ZNF496: variants seen among roughly 807,000 people sequenced by gnomAD.
The protein encoded by ZNF496 is NSD1 (nuclear receptor binding SET-domain containing 1)-interacting zinc finger protein 1.
In ZNF496, 11 loss-of-function variants were observed where a neutral mutation model predicts 58.9. The ratio of observed to expected loss-of-function variants is 0.19; its 90% confidence interval spans 0.12 to 0.31. The LOEUF is 0.31. Ranked by LOEUF, ZNF496 falls within the 10% of genes least tolerant of loss-of-function variation. ZNF496 has a pLI of 1.00. For missense variants in ZNF496, 660 were observed against 783.0 expected (o/e 0.84, Z 1.88); for synonymous variants, 338 against 318.2 (o/e 1.06, Z -0.66).
In ZNF496 at chr1:247,329,701, C is replaced by T; in HGVS notation, c.-37-86G>A. On this transcript the variant is annotated intron_variant, in intron 3 of 9. Coordinates refer to ENST00000682384, the MANE Select transcript of ZNF496 (RefSeq NM_032752.3). This position sits in a 1 kb window ranked among gnomAD's most constrained non-coding sequence, Gnocchi z 5.5. ...GACAGTGACAAGGAAACTGTCAATGCCCTCAGAGACCAGCCCTTTGGAGAA... is the reference window on the plus strand; with the variant it reads ...GACAGTGACAAGGAAACTGTCAATGTCCTCAGAGACCAGCCCTTTGGAGAA... 2.4e-6 allele frequency: 3 copies of T among 1,263,276 alleles called. No homozygotes were observed. Among genetic ancestry groups the T allele is most frequent in the Non-Finnish European group, 3.2e-6 (3 of 923,572 alleles). 78.3% of individuals were successfully genotyped at this position (1,263,276 alleles called of 1,614,324 possible). A position where few individuals can be genotyped will look rare whatever the true frequency, so the allele number is the denominator to read the frequency against.
Position 247,329,365 on chromosome 1 carries a change from G to A in ZNF496, c.214C>T (p.Arg72Trp), listed in dbSNP as rs1660242551. 5 of 1,613,468 alleles carry A rather than the reference G, an allele frequency of 3.1e-6. No homozygotes were observed. The highest frequency in any genetic ancestry group is 1.1e-5 in the South Asian group (1 of 91,080). The change falls in exon 4 of 10, where the codon CGG (arginine) becomes TGG (tryptophan). Residue 72 changes from arginine (R) to tryptophan (W), a missense_variant. Arg to Trp is a moderately radical substitution (Grantham distance 101). Transcript: ENST00000682384. This position sits in a 1 kb window ranked among gnomAD's most constrained non-coding sequence, Gnocchi z 5.5. ...RLWDLCGGWL[R>W]PERHTKEQIL... ...TGCTCCTTGGTGTGCCTCTCAGGCC[G>A]CAGCCAGCCCCCGCACAGGTCCCAG...
chr1:247,301,309 T>G (rs781187299), intron 9 of ZNF496, 33 bp from the exon 10 acceptor site: 1 of 1,499,616 alleles, frequency 6.7e-7, no homozygotes, highest in Non-Finnish European at 8.8e-7. Context: ...TCAGCGACGC[T>G]GCACAGGCCA....
chr1:247,316,167 T>TGC (rs1194922352), intron 6 of ZNF496, among the ~76,000 whole-genome samples: 3 of 132,582 alleles, frequency 2.3e-5, no homozygotes, highest in African/African-American at 8.5e-5. Flanking sequence ...TGTGTGTGTG[T>TGC]GTGTGCACGA....
In ZNF496 at chr1:247,300,796, T is replaced by C. The variant is rs147506682; in HGVS notation, c.1487A>G (p.Lys496Arg). The change falls in exon 10 of 10, where the codon AAG becomes AGG. Residue 496 changes from lysine to arginine, a missense_variant. Physicochemically the swap from Lys to Arg is conservative, Grantham distance 26. Transcript: ENST00000682384. This position sits in a 1 kb window ranked among gnomAD's most constrained non-coding sequence, Gnocchi z 5.7. ...LQPDRLQPVE[K>R]REQAASEDAD... Reference sequence around the variant, plus strand: ...GTCCTCGGATGCCGCCTGCTCTCTCTTCTCCACCGGCTGGAGTCTGTCCGG... The same window carrying C: ...GTCCTCGGATGCCGCCTGCTCTCTCCTCTCCACCGGCTGGAGTCTGTCCGG... 6.2e-6 allele frequency: 10 copies of C among 1,601,714 alleles called. No homozygotes were observed. In the African/African-American group the frequency reaches 1.3e-4, roughly 21 times the overall value.
At chr1:247,319,932 A>G (rs951937984) in intron 6 of ZNF496, among the ~76,000 whole-genome samples, 2 of 152,208 alleles carry the variant, frequency 1.3e-5, no homozygotes, top group Non-Finnish European at 2.9e-5. Flanking sequence ...CAAACAAAAT[A>G]AAACAACACA....
rs1216788167 is a variant in ZNF496, at chr1:247,308,534, A to G, written c.947T>C (p.Leu316Pro). The change falls in exon 9 of 10, where the codon CTG (leucine) becomes CCG (proline). Residue 316 changes from leucine to proline, a missense_variant. Leu to Pro is a moderately conservative substitution (Grantham distance 98). Transcript: ENST00000682384. The surrounding 1 kb of genome is among the most constrained non-coding windows in gnomAD (Gnocchi z 4.5). ...QVEERRKREE[L>P]QVPEFQACPQ... is the part of the protein sequence containing the mutation. The stretch of plus-strand genomic sequence containing the variant: ...GCAGGCCTGGAACTCTGGCACCTGC[A>G]GCTCCTCACGTTTCCTTCTTTCTTC... The G allele has an allele frequency of 6.2e-7, 1 of 1,614,196 alleles. No individual in the cohort carries two copies. The highest frequency in any genetic ancestry group is 8.5e-7 in the Non-Finnish European group (1 of 1,180,020).
Position 247,329,775 on chromosome 1 carries a change from G to A in ZNF496, c.-37-160C>T, listed in dbSNP as rs1053967234. Among the ~76,000 whole-genome samples, 1 of 152,124 alleles carries A rather than the reference G, an allele frequency of 6.6e-6. No individual in the cohort carries two copies. The highest frequency in any genetic ancestry group is 1.5e-5 in the Non-Finnish European group (1 of 68,030). ...TGGTGTGGCTGGTCTTTACACACAG[G>A]ATGAAACAGACAGAAAGATGCCCTC... On this transcript the variant is annotated intron_variant, in intron 3 of 9. Transcript: ENST00000682384. The surrounding 1 kb of genome is among the most constrained non-coding windows in gnomAD (Gnocchi z 5.5).
chr1:247,301,141 T>C lies in ZNF496; in HGVS notation c.1142A>G (p.Lys381Arg). 1 of 1,613,544 alleles carries C rather than the reference T, an allele frequency of 6.2e-7. No homozygotes were observed. Among genetic ancestry groups the C allele is most frequent in the Middle Eastern group, 1.6e-4 (1 of 6,062 alleles). The stretch of plus-strand genomic sequence containing the variant: ...GTGGGAGGCGGGGAGGCTGCGCTGC[T>C]TCTCTGTGGGGCTCCCCAGCTCTTC... Reference protein sequence around the residue: ...CTEELGSPTEKQRSLPASHRS... With the variant: ...CTEELGSPTERQRSLPASHRS... Residue 381 changes from lysine (K) to arginine (R), a missense_variant, in exon 10 of 10, where the codon AAG becomes AGG. By Grantham distance (26) the Lys-to-Arg change is conservative. Transcript: ENST00000682384.
chr1:247,321,224 G>A (rs1192268243), intron 6 of ZNF496, among the ~76,000 whole-genome samples: 1 of 152,104 alleles, frequency 6.6e-6, no homozygotes, highest in African/African-American at 2.4e-5. Context: ...CTGCAACATA[G>A]ATGAACCTTG....
chr1:247,308,403 TG>T lies in ZNF496; in HGVS notation c.1006+71del. On this transcript the variant is annotated intron_variant, in intron 9 of 9. Coordinates refer to ENST00000682384, the MANE Select transcript of ZNF496 (RefSeq NM_032752.3). This position sits in a 1 kb window ranked among gnomAD's most constrained non-coding sequence, Gnocchi z 4.5. ...ACACAACCATCCCCTATGCCACACATGCATACATACATTCATGCGACACACC... is the reference window on the plus strand; with the variant it reads ...ACACAACCATCCCCTATGCCACACATCATACATACATTCATGCGACACACC... The T allele has an allele frequency of 1.5e-6, 2 of 1,335,236 alleles. No individual in the cohort carries two copies. The highest frequency in any genetic ancestry group is 2.2e-6 in the Non-Finnish European group (2 of 928,782). 82.7% of individuals were successfully genotyped at this position (1,335,236 alleles called of 1,614,324 possible). A position where few individuals can be genotyped will look rare whatever the true frequency, so the allele number is the denominator to read the frequency against.
chr1:247,329,544 G>C lies in ZNF496; in HGVS notation c.35C>G (p.Pro12Arg). ...PTALCPRVLA[P>R]KESEEPRKMR... ...TTTCCTGGGCTCCTCACTTTCCTTC[G>C]GAGCCAAGACTCGGGGGCACAGGGC... The change falls in exon 4 of 10, where the codon CCG (proline) becomes CGG (arginine). Residue 12 changes from proline (P) to arginine (R), a missense_variant. Pro to Arg is a moderately radical substitution (Grantham distance 103). Transcript: ENST00000682384. The surrounding 1 kb of genome is among the most constrained non-coding windows in gnomAD (Gnocchi z 5.5). 2 of 1,571,352 alleles carry C rather than the reference G, an allele frequency of 1.3e-6. No individual in the cohort carries two copies. The highest frequency in any genetic ancestry group is 8.6e-7 in the Non-Finnish European group (1 of 1,164,688).
In ZNF496 at chr1:247,309,296, G is replaced by T; in HGVS notation, c.892+403C>A. On this transcript the variant is annotated intron_variant, in intron 8 of 9. Coordinates refer to ENST00000682384, the MANE Select transcript of ZNF496 (RefSeq NM_032752.3). This position sits in a 1 kb window ranked among gnomAD's most constrained non-coding sequence, Gnocchi z 4.3. ...CACCCCTGTACCAGGCAGATGGGAA[G>T]ACTAGACAGGTGAGGCACCTCAAAG... 1 of 758,930 alleles carries T rather than the reference G, an allele frequency of 1.3e-6. No homozygotes were observed. Among genetic ancestry groups the T allele is most frequent in the Non-Finnish European group, 1.6e-6 (1 of 608,760 alleles). The allele number at this position is 758,930 out of a possible 1,614,324, so 47.0% of individuals were successfully genotyped here.
At chr1:247,315,217 C>G (rs1028482981) in intron 6 of ZNF496, among the ~76,000 whole-genome samples, 8 of 152,016 alleles carry the variant, frequency 5.3e-5, no homozygotes, top group Non-Finnish European at 1.2e-4. Context: ...CCAGTGATCA[C>G]AGCTGACGTG....
At chr1:247,325,933 C>G (rs145600986) in intron 5 of ZNF496, among the ~76,000 whole-genome samples, 3,581 of 152,022 alleles carry the variant, frequency 0.024, 141 homozygotes, top group African/African-American at 0.082. Context: ...CCCTAGCCCT[C>G]CCTTCTCCAA....
chr1:247,327,704 C>T (rs551520751), intron 5 of ZNF496, among the ~76,000 whole-genome samples: 42 of 152,198 alleles, frequency 2.8e-4, no homozygotes, highest in Non-Finnish European at 3.4e-4. Context: ...TAATGCCAAA[C>T]ACAACTTCTG....
intron 6 of ZNF496, among the ~76,000 whole-genome samples, chr1:247,316,574 C>G (rs545019565): frequency 6.6e-6 from 1 of 152,152 alleles, no homozygotes; most frequent in Admixed American, 6.5e-5. Context: ...CCCACCAGCA[C>G]GAACGCTCTC....
Position 247,309,595 on chromosome 1 carries a change from A to C in ZNF496, c.892+104T>G. 1 of 1,508,048 alleles carries C rather than the reference A, an allele frequency of 6.6e-7. No individual in the cohort carries two copies. Among genetic ancestry groups the C allele is most frequent in the South Asian group, 1.3e-5 (1 of 76,126 alleles). 93.4% of individuals were successfully genotyped at this position (1,508,048 alleles called of 1,614,324 possible). ...CACATAGAGTCTGGGGAAATGAAGA[A>C]GGCAATTAGGGGCCGCAGAGAGAAG... On this transcript the variant is annotated intron_variant, in intron 8 of 9. Transcript: ENST00000682384. This position sits in a 1 kb window ranked among gnomAD's most constrained non-coding sequence, Gnocchi z 4.3.
chr1:247,315,754 T>C (rs1659747141), intron 6 of ZNF496, among the ~76,000 whole-genome samples: 1 of 152,136 alleles, frequency 6.6e-6, no homozygotes, highest in South Asian at 2.1e-4. Context: ...AGAAAAAGTT[T>C]AAAATAAAAA....
In ZNF496 at chr1:247,300,394, G is replaced by C; in HGVS notation, c.*125C>G. On this transcript the variant is annotated 3_prime_UTR_variant, in exon 10 of 10. Transcript: ENST00000682384. This position sits in a 1 kb window ranked among gnomAD's most constrained non-coding sequence, Gnocchi z 5.7. Reference sequence around the variant, plus strand: ...CACCACCCGAACGCTCACTACCTGAGAGCAAGGACAGGAGGGAGGTGTGCT... The same window carrying C: ...CACCACCCGAACGCTCACTACCTGACAGCAAGGACAGGAGGGAGGTGTGCT... 1 of 1,095,210 alleles carries C rather than the reference G, an allele frequency of 9.1e-7. No individual in the cohort carries two copies. Among genetic ancestry groups the C allele is most frequent in the Non-Finnish European group, 1.3e-6 (1 of 795,772 alleles). 67.8% of individuals were successfully genotyped at this position (1,095,210 alleles called of 1,614,324 possible). A position where few individuals can be genotyped will look rare whatever the true frequency, so the allele number is the denominator to read the frequency against.
Sources: allele counts gnomAD v4.1 joint callset (sites outside exome capture counted in the v4.1 genomes callset), GRCh38; gene constraint gnomAD v4.1.1; non-coding constraint Gnocchi (gnomAD v3.1); transcripts MANE v1.5; gene names NCBI Gene and HGNC (gene_info 2026-07-23, HGNC 2026-07-21).